The following IPMK variants were observed in gnomAD, a reference collection of about 807,000 sequenced individuals.
IPMK encodes the protein inositol polyphosphate multikinase.
In IPMK, 17 loss-of-function variants were observed where a neutral mutation model predicts 45.8. The observed-to-expected ratio is 0.37, with a 90% confidence interval of 0.25 to 0.56. The LOEUF is 0.56. Ranked by LOEUF, IPMK falls within the 20% of genes least tolerant of loss-of-function variation. IPMK has a pLI of 0.79. For synonymous variants in IPMK, 180 were observed against 184.3 expected, an observed-to-expected ratio of 0.98 and a Z score of 0.19; for missense variants, 399 against 498.0, an observed-to-expected ratio of 0.80 and a Z score of 1.89.
rs1279628240 is a variant in IPMK at position 58,245,031 on chromosome 10, T to G, written c.191-7217A>C. Reference sequence around the variant, plus strand: ...CCCCTCTCTGAGAAACACCCAAGAATGATCAATAAATACTAAAAAAAAAAA... The same window carrying G: ...CCCCTCTCTGAGAAACACCCAAGAAGGATCAATAAATACTAAAAAAAAAAA... On this transcript the variant is annotated intron_variant, in intron 1 of 5. Transcript: ENST00000373935. Among the ~76,000 whole-genome samples, 5 of 137,732 alleles carry G rather than the reference T, an allele frequency of 3.6e-5. No homozygotes were observed. In the East Asian group the frequency reaches 1.1e-3, roughly 29 times the overall value. The allele number at this position is 137,732 out of a possible 152,430, so 90.4% of individuals were successfully genotyped here. A position where few individuals can be genotyped will look rare whatever the true frequency, so the allele number is the denominator to read the frequency against.
chr10:58,213,822 G>C (rs1487064613), intron 4 of IPMK, among the ~76,000 whole-genome samples: 1 of 152,224 alleles, frequency 6.6e-6, no homozygotes, highest in Non-Finnish European at 1.5e-5. Flanking sequence ...GGTGTGGCTG[G>C]CATTGAAAGC....
intron 4 of IPMK, among the ~76,000 whole-genome samples, chr10:58,215,429 G>A (rs1220791099): frequency 1.4e-5 from 2 of 141,594 alleles, no homozygotes; most frequent in Non-Finnish European, 1.5e-5. Flanking sequence ...GTTTTTCTGA[G>A]ACAGGGTCTC....
Position 58,223,153 on chromosome 10 carries a change from T to A in IPMK, c.373+3890A>T, listed in dbSNP as rs899553114. On this transcript the variant is annotated intron_variant, in intron 3 of 5. Coordinates refer to ENST00000373935, the MANE Select transcript of IPMK (RefSeq NM_152230.5). ...TTCCCCCAAAAACCTATTGAAATTT[T>A]AAAAAATTTAAAAATAAAGATTACA... Among the ~76,000 whole-genome samples, 4 of 152,270 alleles carry A rather than the reference T, an allele frequency of 2.6e-5. 1 individual carries two copies. In the East Asian group the frequency reaches 5.8e-4, roughly 22 times the overall value.
chr10:58,212,905 G>A (rs2132150671), intron 4 of IPMK: 1 of 232,748 alleles, frequency 4.3e-6, no homozygotes, highest in South Asian at 7.6e-5. Context: ...CAAGTCATCA[G>A]TGTTACCCTC....
intron 1 of IPMK, among the ~76,000 whole-genome samples, chr10:58,248,266 G>A (rs1027177021): frequency 4.6e-5 from 7 of 151,860 alleles, no homozygotes; most frequent in African/African-American, 1.4e-4. Flanking sequence ...ACATCAATGT[G>A]CATGTAATTA....
At chr10:58,212,762 T>G (rs931365197) in intron 4 of IPMK, 1 of 219,948 alleles carries the variant, frequency 4.5e-6, no homozygotes, top group South Asian at 7.9e-5. Context: ...TAATCTTTGA[T>G]GTAGTTCTTG....
chr10:58,208,532 G>A (rs1159599083), intron 4 of IPMK, among the ~76,000 whole-genome samples: 4 of 152,042 alleles, frequency 2.6e-5, no homozygotes, highest in Admixed American at 1.3e-4. Context: ...TCTCTCTTAA[G>A]GATTAGACTT....
rs559747384 is a variant in IPMK, at chr10:58,210,281, G to A, written c.546+5864C>T. 6.6e-5 allele frequency among the ~76,000 whole-genome samples: 10 copies of A among 152,258 alleles called. No individual in the cohort carries two copies. In the South Asian group the frequency reaches 1.9e-3, roughly 28 times the overall value. Reference sequence around the variant, plus strand: ...GGCTGGTGTTGCTCCCACAGTGCATGTTAACAGCCCCAAGTTTAGATCTGG... The same window carrying A: ...GGCTGGTGTTGCTCCCACAGTGCATATTAACAGCCCCAAGTTTAGATCTGG... On this transcript the variant is annotated intron_variant, in intron 4 of 5. Coordinates refer to ENST00000373935, the MANE Select transcript of IPMK (RefSeq NM_152230.5).
rs1837841320 is a variant in IPMK, at chr10:58,193,212, C to T, written c.*2864G>A. On this transcript the variant is annotated 3_prime_UTR_variant, in exon 6 of 6. Transcript: ENST00000373935. ...TGATGTTATAAATTTGATACATAGA[C>T]TTGATAGACATAAGAACATCATCTT... The T allele has an allele frequency of 6.6e-6, 1 of 151,852 alleles. No homozygotes were observed. The highest frequency in any genetic ancestry group is 1.5e-5 in the Non-Finnish European group (1 of 67,808). The allele number at this position is 151,852 out of a possible 1,614,324, so 9.4% of individuals were successfully genotyped here.
In IPMK at chr10:58,250,453, A is replaced by G. The variant is rs189017692; in HGVS notation, c.191-12639T>C. On this transcript the variant is annotated intron_variant, in intron 1 of 5. Transcript: ENST00000373935. ...GTTGTTGTTAACTATTGTAAATGAG[A>G]TTGCTTTTTTAGTTTCTTTTTCAGA... 1.1e-4 allele frequency among the ~76,000 whole-genome samples: 17 copies of G among 151,852 alleles called. No individual in the cohort carries two copies. In the East Asian group the frequency reaches 2.3e-3, roughly 21 times the overall value.
chr10:58,219,324 C>T (rs1838295919), intron 3 of IPMK, among the ~76,000 whole-genome samples: 1 of 152,190 alleles, frequency 6.6e-6, no homozygotes, highest in Non-Finnish European at 1.5e-5. Flanking sequence ...GATACCATGT[C>T]TTTCACAACT....
At chr10:58,206,260 G>C (rs1215646087) in intron 4 of IPMK, among the ~76,000 whole-genome samples, 2 of 152,202 alleles carry the variant, frequency 1.3e-5, no homozygotes, top group East Asian at 3.9e-4. Context: ...CAAATCCATA[G>C]AGATAGAAAA....
At chr10:58,198,634 G>A (rs1837943882) in intron 5 of IPMK, among the ~76,000 whole-genome samples, 1 of 152,046 alleles carries the variant, frequency 6.6e-6, no homozygotes, top group South Asian at 2.1e-4. Context: ...AAATATCTTA[G>A]TAGAGCTAAG....
intron 4 of IPMK, 82 bp from the exon 5 acceptor site, chr10:58,199,403 A>G: frequency 1.2e-6 from 1 of 805,676 alleles, no homozygotes; most frequent in East Asian, 2.9e-5. Context: ...GTGGCTAAAG[A>G]TGAAATCTAC....
At chr10:58,251,364 T>C (rs1433285683) in intron 1 of IPMK, among the ~76,000 whole-genome samples, 1 of 152,192 alleles carries the variant, frequency 6.6e-6, no homozygotes, top group Non-Finnish European at 1.5e-5. Context: ...GTTGATATTA[T>C]TTTTAAAAAT....
chr10:58,260,609 T>C (rs113257920), intron 1 of IPMK, among the ~76,000 whole-genome samples: 2,698 of 152,310 alleles, frequency 0.018, 89 homozygotes, highest in African/African-American at 0.059. Flanking sequence ...TGGCATACAT[T>C]AGTTCACTGT....
At chr10:58,223,496 GATTTCATAA>G (rs1231092967) in intron 3 of IPMK, among the ~76,000 whole-genome samples, 1 of 152,086 alleles carries the variant, frequency 6.6e-6, no homozygotes, top group Non-Finnish European at 1.5e-5. Context: ...CAATATTGTT[GATTTCATAA>G]ATTACGAAAA....
At chr10:58,237,126 A>T (rs80323798) in intron 2 of IPMK, among the ~76,000 whole-genome samples, 3,614 of 152,244 alleles carry the variant, frequency 0.024, 45 homozygotes, top group Non-Finnish European at 0.037. Flanking sequence ...TCCCTTTCCC[A>T]TTCCACCCTT....
intron 2 of IPMK, among the ~76,000 whole-genome samples, chr10:58,228,105 T>C (rs1366801847): frequency 6.6e-6 from 1 of 152,194 alleles, no homozygotes; most frequent in African/African-American, 2.4e-5. Context: ...TGATTCATAT[T>C]AGTCACTTCC....
Sources: allele counts gnomAD v4.1 joint callset (sites outside exome capture counted in the v4.1 genomes callset), GRCh38; gene constraint gnomAD v4.1.1; transcripts MANE v1.5; gene names NCBI Gene and HGNC (gene_info 2026-07-23, HGNC 2026-07-21).